Variants in KIF14 observed in about 807,000 individuals in gnomAD.
KIF14 encodes the protein kinesin-like protein KIF14.
Under a neutral mutation model 176.2 loss-of-function variants are expected in KIF14, and 98 were observed. The observed-to-expected ratio is 0.56, with a 90% CI of 0.47 to 0.66. The LOEUF (loss-of-function observed/expected upper bound fraction) is 0.66. Among genes scored for constraint, KIF14 ranks in the 30% least tolerant of loss-of-function variants. The probability of loss-of-function intolerance (pLI) is 0.00; values close to 1 mark genes in which losing one functional copy is unlikely to be tolerated. For synonymous variants in KIF14, 566 were observed against 632.2 expected (o/e 0.90, Z 1.57); for missense variants, 1,751 against 1,920.4 (o/e 0.91, Z 1.65).
chr1:200,576,351 G>A (rs1376671124), intron 21 of KIF14, among the ~76,000 whole-genome samples: 3 of 151,872 alleles, frequency 2.0e-5, no homozygotes, highest in South Asian at 2.1e-4. Flanking sequence ...GGTAGCGGGC[G>A]CCTGTAGTCC....
At chr1:200,606,681 G>T in intron 6 of KIF14, 65 bp downstream of exon 6, 1 of 1,315,386 alleles carries the variant, frequency 7.6e-7, no homozygotes, top group South Asian at 1.2e-5. Flanking sequence ...AAAGATTATG[G>T]GAGAGTAACA....
chr1:200,573,836 T>C (rs1657958692), intron 22 of KIF14, among the ~76,000 whole-genome samples: 2 of 152,158 alleles, frequency 1.3e-5, no homozygotes, highest in African/African-American at 4.8e-5. Context: ...GAAACCTAAA[T>C]GGATTTTGAT....
At chr1:200,610,168 A>G (rs1660080309) in intron 4 of KIF14, among the ~76,000 whole-genome samples, 1 of 152,130 alleles carries the variant, frequency 6.6e-6, no homozygotes, top group African/African-American at 2.4e-5. Context: ...TATATACTTT[A>G]AAGTGGTTAA....
rs866120750 is a variant in KIF14, at chr1:200,617,965, GT to G, written c.758del (p.Asn253ThrfsTer21). The G allele has an allele frequency of 1.2e-6, 2 of 1,613,940 alleles. No homozygotes were observed. Among genetic ancestry groups the G allele is most frequent in the Non-Finnish European group, 1.7e-6 (2 of 1,179,972 alleles). ...KLDIKVLGTG[N>X]LYHRSIGKEI... is the part of the protein sequence containing the mutation. Reference sequence around the variant, plus strand: ...CCTTCCCAATACTTCTATGATACAAGTTTCCTGTTCCCAACACTTTGATATC... The same window carrying G: ...CCTTCCCAATACTTCTATGATACAAGTTCCTGTTCCCAACACTTTGATATC... On this transcript the variant is annotated frameshift_variant, in exon 2 of 30. Transcript: ENST00000367350. LOFTEE classifies it high-confidence loss of function.
At chr1:200,573,423 A>ATTTT (rs1657921825) in intron 22 of KIF14, among the ~76,000 whole-genome samples, 8 of 84,432 alleles carry the variant, frequency 9.5e-5, no homozygotes, top group African/African-American at 3.6e-4. Context: ...CAAGGAGCTC[A>ATTTT]TTTCTTTTTT....
rs371729211 is a variant in KIF14, at chr1:200,594,368, C to CA, written c.2550-600dup. ...AAACAAAAACCTTCCCCCAAAAATT[C>CA]AAAAAAAAAAAAAAAAAAAAAAAAA... On this transcript the variant is annotated intron_variant, in intron 14 of 29. Coordinates refer to ENST00000367350, the MANE Select transcript of KIF14 (RefSeq NM_014875.3). 9.9e-3 allele frequency among the ~76,000 whole-genome samples: 915 copies of CA among 92,410 alleles called. 6 individuals carry two copies. The highest frequency in any genetic ancestry group is 0.049 in the East Asian group (128 of 2,636). The allele number at this position is 92,410 out of a possible 152,430, so 60.6% of individuals were successfully genotyped here.
At chr1:200,613,250 T>G (rs939350743) in intron 4 of KIF14, among the ~76,000 whole-genome samples, 1 of 152,178 alleles carries the variant, frequency 6.6e-6, no homozygotes, top group Non-Finnish European at 1.5e-5. Flanking sequence ...AGTGAACAAT[T>G]TATAGATTCC....
intron 1 of KIF14, among the ~76,000 whole-genome samples, chr1:200,620,065 T>G (rs2808243): frequency 0.95 from 144,005 of 152,256 alleles, 68,196 homozygotes; most frequent in Middle Eastern, 0.99. Flanking sequence ...TTAATGGAAG[T>G]TCATTTTTAA....
Position 200,603,363 on chromosome 1 carries a change from T to A in KIF14, c.1864-22A>T, listed in dbSNP as rs545389994. ...CTTCCTGCATGCAAGAAAAAAAAAA[T>A]TTTTAACTTAAAATACTTCTCAGCA... On this transcript the variant is annotated intron_variant, in intron 9 of 29. Coordinates refer to ENST00000367350, the MANE Select transcript of KIF14 (RefSeq NM_014875.3). 374 of 1,166,210 alleles carry A rather than the reference T, an allele frequency of 3.2e-4. No homozygotes were observed. Among genetic ancestry groups the A allele is most frequent in the African/African-American group, 1.1e-3 (75 of 65,296 alleles). The allele number at this position is 1,166,210 out of a possible 1,614,324, so 72.2% of individuals were successfully genotyped here.
At chr1:200,613,985 CTTAG>C (rs1363237236) in intron 4 of KIF14, among the ~76,000 whole-genome samples, 2 of 152,210 alleles carry the variant, frequency 1.3e-5, no homozygotes, top group African/African-American at 2.4e-5. Flanking sequence ...GCCTGCTGTC[CTTAG>C]TTAAACTGTA....
chr1:200,576,294 C>A (rs1017728488), intron 21 of KIF14, among the ~76,000 whole-genome samples: 12 of 151,618 alleles, frequency 7.9e-5, no homozygotes, highest in African/African-American at 2.9e-4. Flanking sequence ...CTGGCTAACA[C>A]GGTGAAACCC....
At chr1:200,610,630 A>G (rs2251315) in intron 4 of KIF14, among the ~76,000 whole-genome samples, 143,441 of 152,240 alleles carry the variant, frequency 0.94, 67,680 homozygotes, top group Middle Eastern at 0.99. Context: ...TACCTACTGC[A>G]TGTTTGGCTT....
intron 13 of KIF14, among the ~76,000 whole-genome samples, chr1:200,599,729 G>A (rs1371363785): frequency 1.3e-5 from 2 of 152,194 alleles, no homozygotes; most frequent in Non-Finnish European, 2.9e-5. Flanking sequence ...TCTGAGGGAT[G>A]AAACTGTGTT....
chr1:200,589,243 C>T lies in KIF14; in HGVS notation c.3088G>A (p.Glu1030Lys). The T allele has an allele frequency of 6.2e-7, 1 of 1,608,414 alleles. No individual in the cohort carries two copies. The highest frequency in any genetic ancestry group is 1.7e-4 in the Middle Eastern group (1 of 6,044). Residue 1030 changes from glutamate to lysine, a missense_variant, in exon 18 of 30, where the codon GAA (glutamate) becomes AAA (lysine). Physicochemically the swap from Glu to Lys is moderately conservative, Grantham distance 56 (BLOSUM62 1). Coordinates refer to ENST00000367350, the MANE Select transcript of KIF14 (RefSeq NM_014875.3). ...TGTTTTGTAGCCAATGTTTCCATTT[C>T]TAATCGCTTTTTGTTGACATATATT... ...QEIYVNKKRLEMETLATKQAL... is the reference protein window; with the variant it reads ...QEIYVNKKRLKMETLATKQAL...
At chr1:200,554,804 T>C (rs1656746603) in intron 28 of KIF14, among the ~76,000 whole-genome samples, 198 bp from the exon 29 acceptor site, 1 of 152,174 alleles carries the variant, frequency 6.6e-6, no homozygotes. Context: ...ATCAGAATTT[T>C]CAATTAATTT....
intron 27 of KIF14, among the ~76,000 whole-genome samples, chr1:200,556,748 T>C (rs892277287): frequency 2.6e-5 from 4 of 152,242 alleles, no homozygotes; most frequent in African/African-American, 9.6e-5. Flanking sequence ...GCAATAGTGA[T>C]AGACTGCAAA....
chr1:200,570,858 C>T (rs1657745774), intron 22 of KIF14, among the ~76,000 whole-genome samples: 1 of 152,068 alleles, frequency 6.6e-6, no homozygotes, highest in Admixed American at 6.6e-5. Context: ...ACACAGGTAA[C>T]AGGCATAATA....
chr1:200,554,944 T>C (rs1051801568), intron 28 of KIF14, among the ~76,000 whole-genome samples: 13 of 152,166 alleles, frequency 8.5e-5, no homozygotes, highest in Admixed American at 3.9e-4. Context: ...TTTATTTAAA[T>C]AAAAATTTTC....
intron 11 of KIF14, among the ~76,000 whole-genome samples, chr1:200,601,506 T>C (rs189666256): frequency 7.9e-5 from 12 of 152,320 alleles, no homozygotes; most frequent in Admixed American, 2.0e-4. Flanking sequence ...CGAGCTCCAA[T>C]TGCCTTTGGA....
Sources: gnomAD v4.1 joint callset for allele counts (sites outside exome capture counted in the v4.1 genomes callset) on GRCh38, gnomAD v4.1.1 for gene constraint, MANE v1.5 for transcripts, NCBI Gene and HGNC (gene_info 2026-07-23, HGNC 2026-07-21) for gene names.